The following KSR2 variants were observed in gnomAD, a reference collection of about 807,000 sequenced individuals.
KSR2 encodes the protein kinase suppressor of ras 2.
Under a neutral mutation model 107.8 loss-of-function variants are expected in KSR2, and 25 were observed. The ratio of observed to expected loss-of-function variants is 0.23; its 90% CI spans 0.17 to 0.32. KSR2 has a LOEUF of 0.32. Among genes scored for constraint, KSR2 ranks in the 10% least tolerant of loss-of-function variants. The pLI, the probability that KSR2 is intolerant of heterozygous loss-of-function variation, is 1.00. For synonymous variants in KSR2, 480 were observed against 507.0 expected (o/e 0.95, Z 0.71); for missense variants, 887 against 1,268.9 (o/e 0.70, Z 4.57).
intron 1 of KSR2, among the ~76,000 whole-genome samples, chr12:117,954,609 A>G (rs1281668823): frequency 6.6e-6 from 1 of 152,216 alleles, no homozygotes; most frequent in Non-Finnish European, 1.5e-5. Context: ...CAAGGACGGT[A>G]TCTCCCCAGA....
rs1223270125 is a variant in KSR2 at position 117,460,207 on chromosome 12, C to G, written c.*6992G>C. 4 of 152,304 alleles carry G rather than the reference C, an allele frequency of 2.6e-5. No individual in the cohort carries two copies. The highest frequency in any genetic ancestry group is 6.8e-3 in the Middle Eastern group (2 of 294). 9.4% of individuals were successfully genotyped at this position (152,304 alleles called of 1,614,324 possible). On this transcript the variant is annotated 3_prime_UTR_variant, in exon 20 of 20. Transcript: ENST00000339824. ...CAGGCACATTCTAGACAGAGTCCAT[C>G]TCCTCCAGCTCAGTCCTCAGTGGAA... is the stretch of plus-strand genomic sequence containing the variant.
Position 117,731,049 on chromosome 12 carries a change from G to A in KSR2, c.986+29962C>T, listed in dbSNP as rs1040268891. Among the ~76,000 whole-genome samples the A allele has an allele frequency of 2.6e-4, 39 of 151,810 alleles. No homozygotes were observed. In the East Asian group the frequency reaches 3.5e-3, roughly 14 times the overall value. On this transcript the variant is annotated intron_variant, in intron 4 of 19. Coordinates refer to ENST00000339824, the MANE Select transcript of KSR2 (RefSeq NM_173598.6). The stretch of plus-strand genomic sequence containing the variant: ...AGCACCTCTTCCCGGCCGCCATCCC[G>A]TCTAGGAAGTGAGGAGCGTCTCTGC...
chr12:117,499,464 T>C (rs146444532), intron 14 of KSR2, among the ~76,000 whole-genome samples: 32 of 152,310 alleles, frequency 2.1e-4, no homozygotes, highest in African/African-American at 7.7e-4. Flanking sequence ...CAGACACATA[T>C]GTTTATTCTG....
At chr12:117,549,877 A>C (rs1434904683) in intron 9 of KSR2, among the ~76,000 whole-genome samples, 4 of 152,230 alleles carry the variant, frequency 2.6e-5, no homozygotes, top group East Asian at 1.9e-4. Flanking sequence ...GGAAGGACTT[A>C]TCTCTACCTC....
In KSR2 at chr12:117,916,348, G is replaced by C. The variant is rs148241347; in HGVS notation, c.180+51728C>G. ...GACGGGGTTTCACTATGTTGGGCAGGCTGGTCTCGAACTCCCAACCTCAGG... is the reference window on the plus strand; with the variant it reads ...GACGGGGTTTCACTATGTTGGGCAGCCTGGTCTCGAACTCCCAACCTCAGG... On this transcript the variant is annotated intron_variant, in intron 1 of 19. Coordinates refer to ENST00000339824, the MANE Select transcript of KSR2 (RefSeq NM_173598.6). Among the ~76,000 whole-genome samples the C allele has an allele frequency of 6.8e-3, 1,038 of 151,924 alleles. 10 individuals are homozygous for C. Among genetic ancestry groups the C allele is most frequent in the African/African-American group, 0.023 (966 of 41,422 alleles).
intron 7 of KSR2, among the ~76,000 whole-genome samples, chr12:117,564,900 A>G (rs920221795): frequency 1.3e-5 from 2 of 152,266 alleles, no homozygotes; most frequent in South Asian, 2.1e-4. Context: ...TTTCTTATAA[A>G]TCGTATCCCT....
At chr12:117,720,527 C>T (rs1391254747) in intron 4 of KSR2, among the ~76,000 whole-genome samples, 2 of 152,206 alleles carry the variant, frequency 1.3e-5, no homozygotes, top group Non-Finnish European at 2.9e-5. Context: ...CGATAAAAGT[C>T]CCAGCATCCT....
intron 12 of KSR2, among the ~76,000 whole-genome samples, chr12:117,530,382 A>T (rs1436045722): frequency 6.6e-6 from 1 of 152,216 alleles, no homozygotes; most frequent in East Asian, 1.9e-4. Context: ...CAACTACTCG[A>T]TTCTGCTGCT....
chr12:117,642,558 C>A (rs1883426131), intron 5 of KSR2, among the ~76,000 whole-genome samples: 1 of 152,198 alleles, frequency 6.6e-6, no homozygotes, highest in South Asian at 2.1e-4. Context: ...CTTAACTTAG[C>A]TGGACCATGT....
chr12:117,834,316 T>C (rs1892109912), intron 3 of KSR2, among the ~76,000 whole-genome samples: 1 of 151,798 alleles, frequency 6.6e-6, no homozygotes, highest in East Asian at 1.9e-4. Context: ...ACTCTGTCCT[T>C]CTTTCCAAAA....
intron 5 of KSR2, among the ~76,000 whole-genome samples, chr12:117,663,652 T>C: frequency 6.6e-6 from 1 of 152,182 alleles, no homozygotes; most frequent in Non-Finnish European, 1.5e-5. Context: ...GGTTAAGTAA[T>C]TTGTCCAGCG....
chr12:117,553,744 G>T (rs1367762729), intron 9 of KSR2, among the ~76,000 whole-genome samples: 1 of 152,030 alleles, frequency 6.6e-6, no homozygotes, highest in Non-Finnish European at 1.5e-5. Flanking sequence ...TTTTTTTGCG[G>T]TAATGAGTGA....
intron 19 of KSR2, among the ~76,000 whole-genome samples, chr12:117,468,597 G>C (rs556066460): frequency 6.6e-6 from 1 of 152,294 alleles, no homozygotes; most frequent in African/African-American, 2.4e-5. Context: ...GAACTTCATG[G>C]GAAGACTGAC....
At chr12:117,928,134 G>A (rs902061865) in intron 1 of KSR2, among the ~76,000 whole-genome samples, 1 of 150,702 alleles carries the variant, frequency 6.6e-6, no homozygotes, top group African/African-American at 2.4e-5. Flanking sequence ...ATGTTTTCAA[G>A]GTTTATCCAT....
chr12:117,714,359 A>T (rs7976282), intron 4 of KSR2, among the ~76,000 whole-genome samples: 1 of 152,036 alleles, frequency 6.6e-6, no homozygotes. Flanking sequence ...AGGTAAAAAA[A>T]CCTTGGGGAA....
intron 5 of KSR2, among the ~76,000 whole-genome samples, chr12:117,640,166 T>C (rs10850872): frequency 0.17 from 25,178 of 152,120 alleles, 2,179 homozygotes; most frequent in Middle Eastern, 0.23. Context: ...CACGCTTCAC[T>C]TAGTTTACTA....
At chr12:117,529,811 T>G (rs1354991750) in intron 12 of KSR2, among the ~76,000 whole-genome samples, 1 of 151,672 alleles carries the variant, frequency 6.6e-6, no homozygotes, top group African/African-American at 2.4e-5. Context: ...GAGACCCACC[T>G]AGGCAACATG....
chr12:117,881,093 T>G (rs142671258), intron 1 of KSR2, among the ~76,000 whole-genome samples: 2,145 of 152,270 alleles, frequency 0.014, 19 homozygotes, highest in Non-Finnish European at 0.019. Context: ...GCCTTGTTTT[T>G]GTCATCTTTG....
chr12:117,548,954 T>C (rs374049953), intron 9 of KSR2, among the ~76,000 whole-genome samples: 26 of 152,316 alleles, frequency 1.7e-4, no homozygotes, highest in African/African-American at 6.3e-4. Flanking sequence ...TCAGACCCTG[T>C]GTGGAAGAAA....
Sources: allele counts gnomAD v4.1 joint callset (sites outside exome capture counted in the v4.1 genomes callset), GRCh38; gene constraint gnomAD v4.1.1; transcripts MANE v1.5; gene names NCBI Gene and HGNC (gene_info 2026-07-23, HGNC 2026-07-21).